PIGG: variants seen among roughly 807,000 people sequenced by gnomAD.
The protein encoded by PIGG is GPI ethanolamine phosphate transferase 2, catalytic subunit.
In PIGG, 70 loss-of-function variants were observed where a neutral mutation model predicts 83.2. The ratio of observed to expected loss-of-function variants is 0.84; its 90% CI spans 0.69 to 1.03. The LOEUF (loss-of-function observed/expected upper bound fraction) is 1.03, where lower values mean the gene tolerates loss of function less well. Among genes scored for constraint, PIGG ranks in the 50% least tolerant of loss-of-function variants. The pLI is 0.00. For synonymous variants in PIGG, 532 were observed against 519.5 expected (o/e 1.02, Z -0.33); for missense variants, 1,257 against 1,233.6 (o/e 1.02, Z -0.28).
chr4:522,118 CTCT>C, intron 8 of PIGG, 177 bp downstream of exon 8: 1 of 674,644 alleles, frequency 1.5e-6, no homozygotes, highest in South Asian at 1.7e-5. Context: ...TATCCCAGGC[CTCT>C]GGGTGTCCCG....
rs777971162 is a variant in PIGG at position 527,721 on chromosome 4, C to T, written c.2261+491C>T. 1.1e-5 allele frequency: 11 copies of T among 985,208 alleles called. No homozygotes were observed. The African/African-American group carries it at 1.7e-4, about 16-fold the overall frequency. The allele number at this position is 985,208 out of a possible 1,614,324, so 61.0% of individuals were successfully genotyped here. A position where few individuals can be genotyped will look rare whatever the true frequency, so the allele number is the denominator to read the frequency against. ...TTTATAACGAGCCCCCGTAAGGGGC[C>T]AGGAGCTCCTGTTGATTGGCGGGAG... On this transcript the variant is annotated intron_variant, in intron 10 of 12. Coordinates refer to ENST00000453061, the MANE Select transcript of PIGG (RefSeq NM_001127178.3).
chr4:512,012 A>G (rs1344051881), intron 5 of PIGG, among the ~76,000 whole-genome samples: 2 of 152,112 alleles, frequency 1.3e-5, no homozygotes, highest in South Asian at 2.1e-4. Context: ...GCTATAATGT[A>G]TCTGTATTTT....
In PIGG at chr4:507,385, C is replaced by T. The variant is rs554831796; in HGVS notation, c.571-20C>T. The stretch of plus-strand genomic sequence containing the variant: ...AGGGAAATTAGGTGAGTTGTTTATA[C>T]GTGTGTTTCCCCTTCAAAGGTGGAT... On this transcript the variant is annotated intron_variant, in intron 3 of 12. Coordinates refer to ENST00000453061, the MANE Select transcript of PIGG (RefSeq NM_001127178.3). 47 of 1,582,694 alleles carry T rather than the reference C, an allele frequency of 3.0e-5. 1 individual carries two copies. The African/African-American group carries it at 3.5e-4, about 12-fold the overall frequency.
At chr4:523,225 C>T (rs111286460) in intron 8 of PIGG, among the ~76,000 whole-genome samples, 10 of 152,266 alleles carry the variant, frequency 6.6e-5, no homozygotes, top group East Asian at 3.9e-4. Context: ...GTGCAGTGTC[C>T]GGCTCCCCTG....
chr4:512,614 A>G (rs1268054890), intron 5 of PIGG, among the ~76,000 whole-genome samples: 1 of 151,940 alleles, frequency 6.6e-6, no homozygotes, highest in Non-Finnish European at 1.5e-5. Context: ...CAGAAGTTCG[A>G]GACCAGCCTG....
Position 539,444 on chromosome 4 carries a change from C to A in PIGG, c.*75C>A. The A allele has an allele frequency of 1.1e-6, 1 of 887,594 alleles. No individual in the cohort carries two copies. The highest frequency in any genetic ancestry group is 1.8e-6 in the Non-Finnish European group (1 of 567,932). The allele number at this position is 887,594 out of a possible 1,614,324, so 55.0% of individuals were successfully genotyped here. A position where few individuals can be genotyped will look rare whatever the true frequency, so the allele number is the denominator to read the frequency against. ...TCTAAAATGAAAGATATGAATTCAA[C>A]AAAGTTGATGGATAACTTTCTTTGA... On this transcript the variant is annotated 3_prime_UTR_variant, in exon 13 of 13. Transcript: ENST00000453061.
At chr4:506,013 A>G (rs1553879047) in intron 3 of PIGG, 86 bp downstream of exon 3, 1 of 868,512 alleles carries the variant, frequency 1.2e-6, no homozygotes, top group Non-Finnish European at 1.8e-6. Context: ...GAGAGATGAT[A>G]CCATTTTATA....
intron 9 of PIGG, among the ~76,000 whole-genome samples, chr4:524,210 T>C (rs111624501): frequency 2.8e-4 from 43 of 152,232 alleles, no homozygotes; most frequent in African/African-American, 1.0e-3. Flanking sequence ...GTAAAGATGC[T>C]ATGTGGGGGT....
intron 2 of PIGG, among the ~76,000 whole-genome samples, chr4:505,000 A>G (rs529554073): frequency 6.6e-6 from 1 of 152,320 alleles, no homozygotes; most frequent in East Asian, 1.9e-4. Flanking sequence ...ACTCAAAGGT[A>G]GACATTGGAA....
At chr4:514,805 C>T (rs780076365) in intron 5 of PIGG, among the ~76,000 whole-genome samples, 25 of 152,134 alleles carry the variant, frequency 1.6e-4, no homozygotes, top group Non-Finnish European at 3.1e-4. Flanking sequence ...GGCTTTATCC[C>T]GCAATAGACA....
At chr4:501,102 T>C in intron 2 of PIGG, 1 of 456,370 alleles carries the variant, frequency 2.2e-6, no homozygotes, top group South Asian at 1.5e-5. Flanking sequence ...ATCCTTCAGG[T>C]GTCCAGCCTA....
intron 5 of PIGG, among the ~76,000 whole-genome samples, chr4:513,180 G>A (rs1376750197): frequency 2.6e-5 from 4 of 152,188 alleles, no homozygotes; most frequent in African/African-American, 9.7e-5. Context: ...GACTGTGAAT[G>A]GTGGTAGTGG....
At position 499,374 on chromosome 4, in the gene PIGG, A is replaced by G. The variant is rs1553874002; in HGVS notation, c.39A>G (p.Val13=). 3 of 1,610,146 alleles carry G rather than the reference A, an allele frequency of 1.9e-6. No individual in the cohort carries two copies. Among genetic ancestry groups the G allele is most frequent in the South Asian group, 2.2e-5 (2 of 90,992 alleles). ...LGSGTFATCC[V]AIEVLGIAVF... is the part of the protein sequence containing the mutation. ...CCGGGACTTTCGCTACCTGTTGCGT[A>G]GCGATCGAGGTGCTAGGGATCGCGG... The change falls in exon 1 of 13, where the codon GTA becomes GTG. Residue 13 remains valine, a synonymous_variant. Transcript: ENST00000453061.
intron 8 of PIGG, 21 bp from the exon 9 acceptor site, chr4:523,438 A>G: frequency 6.4e-7 from 1 of 1,551,484 alleles, no homozygotes; most frequent in East Asian, 2.3e-5. Flanking sequence ...TCTCTTACAA[A>G]GTGCACTTTC....
chr4:527,040 T>C lies in PIGG; in HGVS notation c.2071T>C (p.Ser691Pro). 6.2e-7 allele frequency: 1 copy of C among 1,614,208 alleles called. No homozygotes were observed. Among genetic ancestry groups the C allele is most frequent in the Non-Finnish European group, 8.5e-7 (1 of 1,180,028 alleles). The part of the protein sequence containing the change: ...RPDLGHWLTS[S>P]DHKAELSVLA... ...CTGGCATTTTCCATCTCATTTCAGC[T>C]CTGACCACAAAGCCGAGCTCTCTGT... The change falls in exon 10 of 13, where the codon TCT becomes CCT. Residue 691 changes from serine to proline, a missense_variant and splice_region_variant. Ser to Pro is a moderately conservative substitution (Grantham distance 74). Coordinates refer to ENST00000453061, the MANE Select transcript of PIGG (RefSeq NM_001127178.3).
intron 6 of PIGG, 26 bp downstream of exon 6, chr4:516,211 C>CT (rs755004260): frequency 1.0e-5 from 15 of 1,505,134 alleles, no homozygotes; most frequent in African/African-American, 1.4e-5. Context: ...GTTTCGAGCT[C>CT]TGTCAGAGCT....
At chr4:514,019 A>G (rs958101068) in intron 5 of PIGG, among the ~76,000 whole-genome samples, 1 of 152,198 alleles carries the variant, frequency 6.6e-6, no homozygotes. Context: ...TCTCTGCCTT[A>G]TTCTTTACAA....
At chr4:527,905 G>C (rs149671682) in intron 10 of PIGG, 12,795 of 985,360 alleles carry the variant, frequency 0.013, 95 homozygotes, top group Non-Finnish European at 0.015. Context: ...AATTTAAATA[G>C]CTGTTTCCAT....
rs967839828 is a variant in PIGG at position 534,905 on chromosome 4, C to A, written c.2735+924C>A. Among the ~76,000 whole-genome samples the A allele has an allele frequency of 2.0e-5, 3 of 152,214 alleles. 1 individual carries two copies. Among genetic ancestry groups the A allele is most frequent in the African/African-American group, 7.2e-5 (3 of 41,468 alleles). On this transcript the variant is annotated intron_variant, in intron 12 of 12. Coordinates refer to ENST00000453061, the MANE Select transcript of PIGG (RefSeq NM_001127178.3). ...AGGGCGCAGCCCCCCATCCACATGC[C>A]CGTCTCCTGGCGGTTTTGTGCAGAA... is the stretch of plus-strand genomic sequence containing the variant.
Sources: gnomAD v4.1 joint callset for allele counts (sites outside exome capture counted in the v4.1 genomes callset) on GRCh38, gnomAD v4.1.1 for gene constraint, MANE v1.5 for transcripts, NCBI Gene and HGNC (gene_info 2026-07-23, HGNC 2026-07-21) for gene names.